Variants in GTF3C4 observed in about 807,000 individuals in gnomAD.
The protein encoded by GTF3C4 is general transcription factor 3C polypeptide 4.
In GTF3C4, 28 loss-of-function variants were observed where a neutral mutation model predicts 67.5. That is an observed-to-expected ratio of 0.41 (90% confidence interval 0.31 to 0.57). The LOEUF (loss-of-function observed/expected upper bound fraction) is 0.57. Ranked by LOEUF, GTF3C4 falls within the 20% of genes least tolerant of loss-of-function variation. GTF3C4 has a pLI of 0.21. For synonymous variants in GTF3C4, 409 were observed against 393.0 expected (o/e 1.04, Z -0.48); for missense variants, 831 against 1,033.2 (o/e 0.80, Z 2.68).
rs1325007420 is a variant in GTF3C4, at chr9:132,692,449, C to T, written c.*3504C>T. 1 of 152,140 alleles carries T rather than the reference C, an allele frequency of 6.6e-6. No homozygotes were observed. Among genetic ancestry groups the T allele is most frequent in the Non-Finnish European group, 1.5e-5 (1 of 68,036 alleles). 9.4% of individuals were successfully genotyped at this position (152,140 alleles called of 1,614,324 possible). A position where few individuals can be genotyped will look rare whatever the true frequency, so the allele number is the denominator to read the frequency against. On this transcript the variant is annotated 3_prime_UTR_variant, in exon 5 of 5. Transcript: ENST00000372146. ...AAGGGATGTGAAATTTTAGCTCCTT[C>T]CCACCACCTGTTTCCCCTCACTCCC... is the stretch of plus-strand genomic sequence containing the variant.
In GTF3C4 at chr9:132,691,526, A is replaced by G. The variant is rs1564359779; in HGVS notation, c.*2581A>G. 1 of 152,228 alleles carries G rather than the reference A, an allele frequency of 6.6e-6. No individual in the cohort carries two copies. The highest frequency in any genetic ancestry group is 1.5e-5 in the Non-Finnish European group (1 of 68,030). The allele number at this position is 152,228 out of a possible 1,614,324, so 9.4% of individuals were successfully genotyped here. A position where few individuals can be genotyped will look rare whatever the true frequency, so the allele number is the denominator to read the frequency against. On this transcript the variant is annotated 3_prime_UTR_variant, in exon 5 of 5. Coordinates refer to ENST00000372146, the MANE Select transcript of GTF3C4 (RefSeq NM_012204.4). ...AGCACAGGAGCAAAGATTCGATACA[A>G]TTAGACCCTTTAAGCTACAACGTGG...
At chr9:132,682,876 T>G (rs1013144637) in intron 2 of GTF3C4, among the ~76,000 whole-genome samples, 4 of 152,160 alleles carry the variant, frequency 2.6e-5, no homozygotes, top group Non-Finnish European at 4.4e-5. Flanking sequence ...AGTGCAGGGA[T>G]TACAGGCATG....
At position 132,670,755 on chromosome 9, in the gene GTF3C4, C is replaced by T. The variant is rs369871890; in HGVS notation, c.157C>T (p.Arg53Trp). ...CGCTGCATTCCGCCTCATGGTGACTCGGCGGGAGCCGGCCGTGAAGCTGCA... is the reference window on the plus strand; with the variant it reads ...CGCTGCATTCCGCCTCATGGTGACTTGGCGGGAGCCGGCCGTGAAGCTGCA... ...PSAAFRLMVT[R>W]REPAVKLQYA... is the part of the protein sequence containing the mutation. Residue 53 changes from arginine to tryptophan, a missense_variant, in exon 1 of 5, where the codon CGG becomes TGG. Coordinates refer to ENST00000372146, the MANE Select transcript of GTF3C4 (RefSeq NM_012204.4). 18 of 1,557,110 alleles carry T rather than the reference C, an allele frequency of 1.2e-5. No individual in the cohort carries two copies. The highest frequency in any genetic ancestry group is 4.8e-5 in the East Asian group (2 of 41,962).
chr9:132,671,236 G>C (rs944154574), intron 1 of GTF3C4, among the ~76,000 whole-genome samples: 1 of 152,028 alleles, frequency 6.6e-6, no homozygotes, highest in African/African-American at 2.4e-5. Flanking sequence ...CCCCTCCTTC[G>C]CCCCTCCGTC....
chr9:132,671,631 G>C (rs1835766086), intron 1 of GTF3C4, among the ~76,000 whole-genome samples: 1 of 152,206 alleles, frequency 6.6e-6, no homozygotes, highest in African/African-American at 2.4e-5. Context: ...AGGTCAAGTA[G>C]TAAGCCATAG....
upstream of GTF3C4, chr9:132,670,132 C>G (rs1311798195): frequency 2.5e-6 from 4 of 1,587,826 alleles, no homozygotes; most frequent in Non-Finnish European, 3.4e-6. Flanking sequence ...CCGCGCGTGC[C>G]CCCGCCTGGT....
rs1039127157 is a variant in GTF3C4, at chr9:132,689,010, G to A, written c.*65G>A. 6 of 1,204,704 alleles carry A rather than the reference G, an allele frequency of 5.0e-6. No individual in the cohort carries two copies. In the African/African-American group the frequency reaches 8.9e-5, roughly 18 times the overall value. 74.6% of individuals were successfully genotyped at this position (1,204,704 alleles called of 1,614,324 possible). A position where few individuals can be genotyped will look rare whatever the true frequency, so the allele number is the denominator to read the frequency against. ...TGCCATAGAAAACTTCCTCCAGCCT[G>A]AAGAGAAGGATGCACTGGAGGAAGC... On this transcript the variant is annotated 3_prime_UTR_variant, in exon 5 of 5. Coordinates refer to ENST00000372146, the MANE Select transcript of GTF3C4 (RefSeq NM_012204.4).
In GTF3C4 at chr9:132,684,667, T is replaced by A. The variant is rs982760319; in HGVS notation, c.2315+974T>A. Among the ~76,000 whole-genome samples, 3 of 152,210 alleles carry A rather than the reference T, an allele frequency of 2.0e-5. 1 individual carries two copies. In the South Asian group the frequency reaches 6.2e-4, roughly 32 times the overall value. On this transcript the variant is annotated intron_variant, in intron 3 of 4. Coordinates refer to ENST00000372146, the MANE Select transcript of GTF3C4 (RefSeq NM_012204.4). ...AGAATGGCTTCATTCCTCAGGTACG[T>A]GAGGCGCCCTCCACCTCAGGACGTC... is the stretch of plus-strand genomic sequence containing the variant.
In GTF3C4 at chr9:132,679,432, A is replaced by C; in HGVS notation, c.1813A>C (p.Lys605Gln). The part of the protein sequence containing the change: ...ALWKPTHEDS[K>Q]ILLVDSPGMG... ...GTGGAAACCCACCCATGAGGACTCAAAAATCTTACTAGTGGATTCGCCTGG... is the reference window on the plus strand; with the variant it reads ...GTGGAAACCCACCCATGAGGACTCACAAATCTTACTAGTGGATTCGCCTGG... Residue 605 changes from lysine to glutamine, a missense_variant, in exon 2 of 5, where the codon AAA (lysine) becomes CAA (glutamine). Transcript: ENST00000372146. This position sits in a 1 kb window ranked among gnomAD's most constrained non-coding sequence, Gnocchi z 5.9. 1 of 1,614,198 alleles carries C rather than the reference A, an allele frequency of 6.2e-7. No individual in the cohort carries two copies. The highest frequency in any genetic ancestry group is 8.5e-7 in the Non-Finnish European group (1 of 1,180,018).
At chr9:132,672,882 A>G (rs1024908243) in intron 1 of GTF3C4, among the ~76,000 whole-genome samples, 7 of 152,180 alleles carry the variant, frequency 4.6e-5, no homozygotes, top group African/African-American at 1.7e-4. Context: ...TAAATGCTCA[A>G]GGTGAAAATA....
rs1490712147 is a variant in GTF3C4 at position 132,678,019 on chromosome 9, G to A, written c.400G>A (p.Ala134Thr). 17 of 1,611,934 alleles carry A rather than the reference G, an allele frequency of 1.1e-5. No individual in the cohort carries two copies. The highest frequency in any genetic ancestry group is 1.4e-5 in the Non-Finnish European group (16 of 1,179,242). ...TEVAECKEKF[A>T]ASKDPTVSQT... ...AGTTGCTGAGTGCAAGGAGAAATTCGCCGCCTCCAAGGACCCCACGGTCAG... is the reference window on the plus strand; with the variant it reads ...AGTTGCTGAGTGCAAGGAGAAATTCACCGCCTCCAAGGACCCCACGGTCAG... Residue 134 changes from alanine (A) to threonine (T), a missense_variant, in exon 2 of 5, where the codon GCC becomes ACC. Ala to Thr is a moderately conservative substitution (Grantham distance 58). Around this residue, in one of 4 missense-constraint regions of GTF3C4, gnomAD observed 237 missense variants for 212.7 expected, o/e 1.11. Transcript: ENST00000372146. The surrounding 1 kb of genome is among the most constrained non-coding windows in gnomAD (Gnocchi z 6.5).
intron 3 of GTF3C4, among the ~76,000 whole-genome samples, 161 bp from the exon 4 acceptor site, chr9:132,687,078 G>A (rs946655476): frequency 3.3e-5 from 5 of 152,138 alleles, no homozygotes; most frequent in African/African-American, 1.2e-4. Context: ...GGCCAGCTTT[G>A]GTGCACAGGG....
chr9:132,687,246 T>C lies in GTF3C4; in HGVS notation c.2323T>C (p.Leu775=). The C allele has an allele frequency of 6.3e-7, 1 of 1,577,554 alleles. No individual in the cohort carries two copies. The highest frequency in any genetic ancestry group is 8.7e-7 in the Non-Finnish European group (1 of 1,152,026). Residue 775 remains leucine, a synonymous_variant, in exon 4 of 5, where the codon TTA becomes CTA. Transcript: ENST00000372146. The part of the protein sequence containing the change: ...SNGHIWLRCF[L]TYQSCQSLIY... ...CAGTCTGTCTTCTTTCAGGTGCTTC[T>C]TAACCTACCAGTCCTGCCAGAGTTT...
Position 132,689,100 on chromosome 9 carries a change from G to A in GTF3C4, c.*155G>A, listed in dbSNP as rs749443599. On this transcript the variant is annotated 3_prime_UTR_variant, in exon 5 of 5. Transcript: ENST00000372146. Reference sequence around the variant, plus strand: ...AAGAGGGCCCCTGGAGCTCATTTCTGAATCGCACTCTCCATTTCCAGAGAC... The same window carrying A: ...AAGAGGGCCCCTGGAGCTCATTTCTAAATCGCACTCTCCATTTCCAGAGAC... 14 of 628,300 alleles carry A rather than the reference G, an allele frequency of 2.2e-5. No homozygotes were observed. The highest frequency in any genetic ancestry group is 3.7e-5 in the Non-Finnish European group (13 of 350,332). 38.9% of individuals were successfully genotyped at this position (628,300 alleles called of 1,614,324 possible). A position where few individuals can be genotyped will look rare whatever the true frequency, so the allele number is the denominator to read the frequency against.
At chr9:132,682,141 A>G (rs1017694498) in intron 2 of GTF3C4, among the ~76,000 whole-genome samples, 6 of 152,002 alleles carry the variant, frequency 3.9e-5, no homozygotes, top group Non-Finnish European at 8.8e-5. Context: ...TATGGGAGGA[A>G]TTCTGAGTAG....
intron 1 of GTF3C4, among the ~76,000 whole-genome samples, chr9:132,677,372 A>C (rs1395138809): frequency 6.6e-6 from 1 of 152,220 alleles, no homozygotes; most frequent in Admixed American, 6.5e-5. Flanking sequence ...ACTGCACTCC[A>C]GCCCGGGCGA....
At chr9:132,684,536 C>T (rs578058804) in intron 3 of GTF3C4, among the ~76,000 whole-genome samples, 1 of 152,336 alleles carries the variant, frequency 6.6e-6, no homozygotes, top group Non-Finnish European at 1.5e-5. Flanking sequence ...CTAAAACCCT[C>T]TCAGTGATCC....
At chr9:132,677,887 T>C (rs1835885549) in intron 1 of GTF3C4, 90 bp from the exon 2 acceptor site, 1 of 987,814 alleles carries the variant, frequency 1.0e-6, no homozygotes, top group East Asian at 2.4e-5. Flanking sequence ...GGAACCAGGC[T>C]ATGAATAATG....
chr9:132,682,236 A>T (rs1835956478), intron 2 of GTF3C4, among the ~76,000 whole-genome samples: 1 of 152,186 alleles, frequency 6.6e-6, no homozygotes, highest in African/African-American at 2.4e-5. Flanking sequence ...TAGGGACCAT[A>T]TGTTAGAATT....
Sources: gnomAD v4.1 joint callset for allele counts (sites outside exome capture counted in the v4.1 genomes callset) on GRCh38, gnomAD v4.1.1 for gene constraint, gnomAD v4.1.1 regional missense constraint, Gnocchi (gnomAD v3.1) non-coding constraint, MANE v1.5 for transcripts, NCBI Gene and HGNC (gene_info 2026-07-23, HGNC 2026-07-21) for gene names.